Variants in FHIP1A observed in about 807,000 individuals in gnomAD.
FHIP1A encodes the protein FHF complex subunit HOOK-interacting protein 1A.
FHIP1A carries 61 observed loss-of-function variants against 88.6 expected under a neutral mutation model. The observed-to-expected ratio is 0.69, with a 90% CI of 0.56 to 0.85. The LOEUF (loss-of-function observed/expected upper bound fraction) is 0.85, where lower values mean the gene tolerates loss of function less well. FHIP1A is among the 40% of genes least tolerant of loss of function. The pLI, the probability that FHIP1A is intolerant of heterozygous loss-of-function variation, is 0.00. For synonymous variants in FHIP1A, 478 were observed against 496.0 expected, an observed-to-expected ratio of 0.96 and a Z score of 0.48; for missense variants, 1,154 against 1,273.5, an observed-to-expected ratio of 0.91 and a Z score of 1.43.
At chr4:151,434,916 A>G (rs1322236122) in intron 1 of FHIP1A, among the ~76,000 whole-genome samples, 1 of 152,056 alleles carries the variant, frequency 6.6e-6, no homozygotes, top group Non-Finnish European at 1.5e-5. Flanking sequence ...TATGCAAGGA[A>G]ACCCTTGCTC....
intron 3 of FHIP1A, among the ~76,000 whole-genome samples, chr4:151,506,030 C>T (rs1730826914): frequency 6.6e-6 from 1 of 152,172 alleles, no homozygotes; most frequent in South Asian, 2.1e-4. Flanking sequence ...TCAAGTGATC[C>T]TCCCACCTCA....
intron 2 of FHIP1A, among the ~76,000 whole-genome samples, chr4:151,458,515 G>A (rs904388574): frequency 6.6e-6 from 1 of 152,014 alleles, no homozygotes; most frequent in African/African-American, 2.4e-5. Flanking sequence ...TGTGGGTTTG[G>A]GGGTGGGGGT....
intron 1 of FHIP1A, among the ~76,000 whole-genome samples, chr4:151,420,386 CTTCTTT>C: frequency 2.8e-5 from 1 of 35,596 alleles, no homozygotes; most frequent in Non-Finnish European, 7.1e-5. Context: ...GCATAAATGT[CTTCTTT>C]TGAGAAGTGT....
chr4:151,568,232 C>T (rs1358490217), intron 4 of FHIP1A, among the ~76,000 whole-genome samples: 1 of 152,214 alleles, frequency 6.6e-6, no homozygotes, highest in Non-Finnish European at 1.5e-5. Flanking sequence ...AAGCACAGTA[C>T]AGATACATAG....
chr4:151,516,200 A>G (rs889405355), intron 3 of FHIP1A, among the ~76,000 whole-genome samples: 1 of 152,200 alleles, frequency 6.6e-6, no homozygotes, highest in African/African-American at 2.4e-5. Flanking sequence ...AGCAATGGGG[A>G]AAGGATTCCC....
At chr4:151,526,390 A>AC (rs1304668902) in intron 3 of FHIP1A, among the ~76,000 whole-genome samples, 78 of 140,486 alleles carry the variant, frequency 5.6e-4, no homozygotes, top group African/African-American at 1.8e-3. Context: ...CGGGGGGCTG[A>AC]CCCCCCCACC....
intron 7 of FHIP1A, among the ~76,000 whole-genome samples, chr4:151,621,465 T>C (rs1735741771): frequency 6.6e-6 from 1 of 151,490 alleles, no homozygotes; most frequent in African/African-American, 2.4e-5. Flanking sequence ...TGTTACAGTT[T>C]GAGTGTCTAG....
intron 1 of FHIP1A, among the ~76,000 whole-genome samples, chr4:151,412,584 T>TTTCCTTCCTTCCTTCCTTCCTTCC (rs1193555902): frequency 1.4e-4 from 16 of 115,240 alleles, no homozygotes; most frequent in African/African-American, 5.9e-4. Flanking sequence ...CTTTCCTTTC[T>TTTCCTTCCTTCCTTCCTTCCTTCC]TTCCTTCCTT....
rs181172663 is a variant in FHIP1A, at chr4:151,509,926, C to T, written c.-123+27278C>T. Among the ~76,000 whole-genome samples the T allele has an allele frequency of 1.1e-3, 161 of 152,148 alleles. 2 individuals are homozygous for T. Among genetic ancestry groups the T allele is most frequent in the Admixed American group, 0.01 (160 of 15,294 alleles). ...TTGGGCAGGAACCTTTTGGGAGGCC[C>T]AATAATTTTCCTGCAATCTAAAGTA... On this transcript the variant is annotated intron_variant, in intron 3 of 13. Transcript: ENST00000435205.
At chr4:151,501,627 A>G (rs1730651342) in intron 3 of FHIP1A, among the ~76,000 whole-genome samples, 1 of 151,624 alleles carries the variant, frequency 6.6e-6, no homozygotes, top group African/African-American at 2.4e-5. Context: ...TAGTGGATAT[A>G]AAGTGTTATC....
At chr4:151,562,448 A>G (rs1733209364) in intron 3 of FHIP1A, among the ~76,000 whole-genome samples, 1 of 152,180 alleles carries the variant, frequency 6.6e-6, no homozygotes, top group Admixed American at 6.5e-5. Flanking sequence ...TCCATCAAAA[A>G]TCTTTTTCTT....
intron 2 of FHIP1A, among the ~76,000 whole-genome samples, chr4:151,458,514 G>T (rs1408072611): frequency 6.6e-6 from 1 of 152,036 alleles, no homozygotes; most frequent in Admixed American, 6.6e-5. Flanking sequence ...GTGTGGGTTT[G>T]GGGGTGGGGG....
intron 3 of FHIP1A, among the ~76,000 whole-genome samples, chr4:151,555,717 A>G (rs1440967287): frequency 6.6e-6 from 1 of 152,174 alleles, no homozygotes; most frequent in African/African-American, 2.4e-5. Flanking sequence ...AGTTTAACCC[A>G]TGATTCAGAG....
intron 3 of FHIP1A, among the ~76,000 whole-genome samples, chr4:151,557,437 C>T (rs1420196893): frequency 6.6e-6 from 1 of 152,136 alleles, no homozygotes; most frequent in African/African-American, 2.4e-5. Context: ...TTTTTTCCCC[C>T]TGTGCAAAAG....
At chr4:151,624,571 A>G (rs1177605791) in intron 7 of FHIP1A, among the ~76,000 whole-genome samples, 3 of 152,220 alleles carry the variant, frequency 2.0e-5, no homozygotes, top group African/African-American at 4.8e-5. Context: ...TTACAGATCC[A>G]TTGAAGAAAT....
intron 3 of FHIP1A, among the ~76,000 whole-genome samples, chr4:151,548,302 A>T (rs1732586536): frequency 6.6e-6 from 1 of 152,186 alleles, no homozygotes. Flanking sequence ...AAGCGGGCTA[A>T]TTCCATGGAA....
chr4:151,605,898 C>T (rs1018367858), intron 7 of FHIP1A, among the ~76,000 whole-genome samples: 37 of 152,228 alleles, frequency 2.4e-4, no homozygotes, highest in Non-Finnish European at 3.4e-4. Context: ...GCTGGAACTC[C>T]GGTAGAGCCC....
intron 3 of FHIP1A, among the ~76,000 whole-genome samples, chr4:151,494,425 G>A (rs1014137561): frequency 1.3e-5 from 2 of 152,164 alleles, no homozygotes; most frequent in African/African-American, 4.8e-5. Flanking sequence ...TTATTGAATA[G>A]GGAGTCCTTT....
Position 151,656,226 on chromosome 4 carries a change from C to T in FHIP1A, c.2552-6C>T. 1 of 1,551,088 alleles carries T rather than the reference C, an allele frequency of 6.4e-7. No individual in the cohort carries two copies. The highest frequency in any genetic ancestry group is 8.7e-7 in the Non-Finnish European group (1 of 1,146,510). On this transcript the variant is annotated splice_polypyrimidine_tract_variant and splice_region_variant and intron_variant, in intron 11 of 13. Coordinates refer to ENST00000435205, the MANE Select transcript of FHIP1A (RefSeq NM_001109977.3). The surrounding 1 kb of genome is among the most constrained non-coding windows in gnomAD (Gnocchi z 4.2). Reference sequence around the variant, plus strand: ...CCAGCCCTGAAGCCTTGTGTTCTTCCTGCAGGCCCATTCATCAGCGTAGTC... The same window carrying T: ...CCAGCCCTGAAGCCTTGTGTTCTTCTTGCAGGCCCATTCATCAGCGTAGTC...
Sources: allele counts gnomAD v4.1 joint callset (sites outside exome capture counted in the v4.1 genomes callset), GRCh38; gene constraint gnomAD v4.1.1; non-coding constraint Gnocchi (gnomAD v3.1); transcripts MANE v1.5; gene names NCBI Gene and HGNC (gene_info 2026-07-23, HGNC 2026-07-21).